The following PRR16 variants were observed in gnomAD, a reference collection of about 807,000 sequenced individuals.
PRR16 encodes the protein proline rich 16.
In PRR16, 6 loss-of-function variants were observed where a neutral mutation model predicts 18.2. That is an observed-to-expected ratio of 0.33 (90% CI 0.18 to 0.65). The LOEUF (loss-of-function observed/expected upper bound fraction) is 0.65. Among genes scored for constraint, PRR16 ranks in the 30% least tolerant of loss-of-function variants. The pLI is 0.74. For synonymous variants in PRR16, 151 were observed against 147.8 expected (o/e 1.02, Z -0.16); for missense variants, 412 against 376.6 (o/e 1.09, Z -0.78).
At chr5:120,726,655 A>C in the PRR16 span, among the ~76,000 whole-genome samples, 1 of 152,090 alleles carries the variant, frequency 6.6e-6, no homozygotes. Flanking sequence ...TAATGCCTTG[A>C]ACAAAATAGA....
intron 1 of PRR16, among the ~76,000 whole-genome samples, chr5:120,623,198 A>G (rs1246040201): frequency 1.3e-5 from 2 of 152,198 alleles, no homozygotes; most frequent in Non-Finnish European, 2.9e-5. Context: ...GAGGAAAGAA[A>G]AAAACATATA....
At chr5:120,710,844 A>G in the PRR16 span, 1 of 152,096 alleles carries the variant, frequency 6.6e-6, no homozygotes, top group African/African-American at 2.4e-5. Context: ...TGAAGTTTGT[A>G]TTATCTTATA....
the PRR16 span, among the ~76,000 whole-genome samples, chr5:120,759,334 A>C: frequency 6.6e-6 from 1 of 152,032 alleles, no homozygotes; most frequent in Non-Finnish European, 1.5e-5. Flanking sequence ...TATCACCCCA[A>C]TAATTTTAGT....
the PRR16 span, among the ~76,000 whole-genome samples, chr5:120,741,112 CAT>C: frequency 2.6e-5 from 4 of 151,812 alleles, no homozygotes; most frequent in African/African-American, 9.7e-5. Context: ...ACATAAATGG[CAT>C]ATTTTAAATT....
chr5:120,710,874 T>C, the PRR16 span: 7 of 152,306 alleles, frequency 4.6e-5, no homozygotes, highest in African/African-American at 1.4e-4. Context: ...CGCAGAAGTC[T>C]AAAATGGGTT....
At chr5:120,541,215 C>T (rs1285099240) in intron 1 of PRR16, among the ~76,000 whole-genome samples, 3 of 152,250 alleles carry the variant, frequency 2.0e-5, no homozygotes, top group East Asian at 1.9e-4. Context: ...AGCGCAATCT[C>T]GGCTCACTGC....
At chr5:120,670,811 T>C (rs1332379604) in intron 1 of PRR16, among the ~76,000 whole-genome samples, 1 of 152,148 alleles carries the variant, frequency 6.6e-6, no homozygotes, top group Non-Finnish European at 1.5e-5. Flanking sequence ...TTTTCAGATG[T>C]TTTCACTAAC....
chr5:120,589,623 A>C (rs1006092180), intron 1 of PRR16, among the ~76,000 whole-genome samples: 1 of 152,094 alleles, frequency 6.6e-6, no homozygotes, highest in Non-Finnish European at 1.5e-5. Context: ...GGTGAAAGGC[A>C]CTTCTTACAT....
chr5:120,511,432 A>G (rs1750821850), intron 1 of PRR16, among the ~76,000 whole-genome samples: 1 of 152,122 alleles, frequency 6.6e-6, no homozygotes, highest in African/African-American at 2.4e-5. Context: ...CGTTATAGCC[A>G]GTTTTCTGTG....
rs184569870 is a variant in PRR16 at position 120,592,565 on chromosome 5, G to T, written c.160-93389G>T. On this transcript the variant is annotated intron_variant, in intron 1 of 1. Coordinates refer to ENST00000407149, the MANE Select transcript of PRR16 (RefSeq NM_001300783.2). ...TGACAGAGCCATAATCTTTTGTGGT[G>T]GTTTATTTCCAAAGCAATCTCAAAT... Among the ~76,000 whole-genome samples, 581 of 152,116 alleles carry T rather than the reference G, an allele frequency of 3.8e-3. 8 individuals carry two copies. Among genetic ancestry groups the T allele is most frequent in the African/African-American group, 0.013 (525 of 41,538 alleles).
At chr5:120,550,560 T>C (rs1752222698) in intron 1 of PRR16, among the ~76,000 whole-genome samples, 1 of 151,994 alleles carries the variant, frequency 6.6e-6, no homozygotes, top group African/African-American at 2.4e-5. Flanking sequence ...ACGCATGCAG[T>C]AAAAGGGTGT....
chr5:120,719,175 T>A, the PRR16 span, among the ~76,000 whole-genome samples: 1 of 152,242 alleles, frequency 6.6e-6, no homozygotes, highest in East Asian at 1.9e-4. Flanking sequence ...TCTTGGGATA[T>A]ATATTTACAA....
intron 1 of PRR16, among the ~76,000 whole-genome samples, chr5:120,547,340 G>C (rs148277257): frequency 5.3e-5 from 8 of 152,136 alleles, no homozygotes; most frequent in African/African-American, 1.9e-4. Context: ...TTATTCCTGA[G>C]AAAGTACTTT....
the PRR16 span, among the ~76,000 whole-genome samples, chr5:120,708,409 T>A: frequency 6.6e-6 from 1 of 152,368 alleles, no homozygotes; most frequent in Admixed American, 6.5e-5. Context: ...GTTGCTTTTA[T>A]CCTCTTTTTA....
chr5:120,547,984 A>C (rs1752126088), intron 1 of PRR16, among the ~76,000 whole-genome samples: 1 of 152,116 alleles, frequency 6.6e-6, no homozygotes, highest in Non-Finnish European at 1.5e-5. Flanking sequence ...CTTTATGATG[A>C]ATAACTATGA....
chr5:120,484,903 G>C (rs1283170174), intron 1 of PRR16, among the ~76,000 whole-genome samples: 1 of 151,292 alleles, frequency 6.6e-6, no homozygotes, highest in Non-Finnish European at 1.5e-5. Context: ...ATATTTTAAT[G>C]TAATTTAATT....
intron 1 of PRR16, among the ~76,000 whole-genome samples, chr5:120,468,340 T>C (rs1749167619): frequency 6.6e-6 from 1 of 152,086 alleles, no homozygotes; most frequent in African/African-American, 2.4e-5. Context: ...TTTGGAGAAA[T>C]GGAGAGTTAA....
At chr5:120,690,511 G>A (rs183077850), downstream of PRR16, among the ~76,000 whole-genome samples, 9 of 152,194 alleles carry the variant, frequency 5.9e-5, no homozygotes, top group East Asian at 9.7e-4. Flanking sequence ...GATAAAATAC[G>A]GATGATTTCT....
rs368248499 is a variant in PRR16 at position 120,480,146 on chromosome 5, G to A, written c.159+15501G>A. On this transcript the variant is annotated intron_variant, in intron 1 of 1. Transcript: ENST00000407149. The stretch of plus-strand genomic sequence containing the variant: ...ACAGAATAATATGGCACAGCAGTAC[G>A]AGCCTGTAATCCCAGCTACTCAGGA... 7.7e-4 allele frequency among the ~76,000 whole-genome samples: 117 copies of A among 152,232 alleles called. 1 individual carries two copies. Among genetic ancestry groups the A allele is most frequent in the Admixed American group, 1.9e-3 (29 of 15,294 alleles).
Sources: allele counts gnomAD v4.1 joint callset (sites outside exome capture counted in the v4.1 genomes callset), GRCh38; gene constraint gnomAD v4.1.1; transcripts MANE v1.5; gene names NCBI Gene and HGNC (gene_info 2026-07-23, HGNC 2026-07-21).